ZNF804B: variants seen among roughly 807,000 people sequenced by gnomAD.
ZNF804B encodes zinc finger 804B.
Under a neutral mutation model 101.4 loss-of-function variants are expected in ZNF804B, and 80 were observed. The observed-to-expected ratio is 0.79, with a 90% CI of 0.66 to 0.95. The LOEUF (loss-of-function observed/expected upper bound fraction) is 0.95. ZNF804B is among the 40% of genes least tolerant of loss of function. ZNF804B has a pLI of 0.00. For synonymous variants in ZNF804B, 622 were observed against 558.8 expected (o/e 1.11, Z -1.59); for missense variants, 1,673 against 1,561.9 (o/e 1.07, Z -1.20).
chr7:88,854,410 T>TCTTCCTTTCTTTCTTTCTTCCTTCCTTC (rs1562812540), intron 1 of ZNF804B, among the ~76,000 whole-genome samples: 2 of 132,646 alleles, frequency 1.5e-5, no homozygotes, highest in Non-Finnish European at 3.2e-5. Context: ...TTTCTTTCTT[T>TCTTCCTTTCTTTCTTTCTTCCTTCCTTC]CTTCCTTTCT....
chr7:89,211,589 C>T (rs1490958589), intron 1 of ZNF804B, among the ~76,000 whole-genome samples: 5 of 151,988 alleles, frequency 3.3e-5, no homozygotes, highest in East Asian at 3.9e-4. Flanking sequence ...ATATGGCTGG[C>T]CAGTTCTCCC....
chr7:89,218,737 T>C (rs896978757), intron 2 of ZNF804B, among the ~76,000 whole-genome samples: 1 of 152,156 alleles, frequency 6.6e-6, no homozygotes, highest in African/African-American at 2.4e-5. Context: ...ATATGTTACA[T>C]GTATTATATA....
At chr7:88,877,028 T>TATATATATATATATATA (rs1562820434) in intron 1 of ZNF804B, among the ~76,000 whole-genome samples, 5 of 36,318 alleles carry the variant, frequency 1.4e-4, no homozygotes, top group African/African-American at 4.7e-4. Flanking sequence ...ATATATATAA[T>TATATATATATATATATA]ATATATATAT....
chr7:88,954,156 G>A (rs1229114932), intron 1 of ZNF804B, among the ~76,000 whole-genome samples: 1 of 151,598 alleles, frequency 6.6e-6, no homozygotes, highest in Non-Finnish European at 1.5e-5. Context: ...TGAAATTCTT[G>A]GATACAATTT....
chr7:88,889,853 C>A (rs970239414), intron 1 of ZNF804B, among the ~76,000 whole-genome samples: 4 of 152,030 alleles, frequency 2.6e-5, no homozygotes, highest in Admixed American at 6.5e-5. Flanking sequence ...TTTCCCAGGG[C>A]CAATGTTCAG....
intron 2 of ZNF804B, among the ~76,000 whole-genome samples, chr7:89,276,368 T>G (rs1789981665): frequency 6.6e-6 from 1 of 151,838 alleles, no homozygotes; most frequent in Admixed American, 6.6e-5. Flanking sequence ...AAAAGACCCC[T>G]TGGATATACA....
At chr7:89,264,329 T>A (rs1460750383) in intron 2 of ZNF804B, among the ~76,000 whole-genome samples, 1 of 152,220 alleles carries the variant, frequency 6.6e-6, no homozygotes, top group Non-Finnish European at 1.5e-5. Context: ...AGCCAATCGT[T>A]GAGGGAGAGC....
At chr7:88,870,452 A>G (rs1791805948) in intron 1 of ZNF804B, among the ~76,000 whole-genome samples, 1 of 151,614 alleles carries the variant, frequency 6.6e-6, no homozygotes, top group Admixed American at 6.6e-5. Context: ...TCTTAGATGA[A>G]ATTCCAAGAT....
chr7:88,988,757 C>A (rs1318725376), intron 1 of ZNF804B, among the ~76,000 whole-genome samples: 1 of 151,910 alleles, frequency 6.6e-6, no homozygotes, highest in African/African-American at 2.4e-5. Flanking sequence ...AAGAGTATCT[C>A]TATAGGGAGA....
At chr7:89,319,157 C>T (rs1254482244) in intron 2 of ZNF804B, among the ~76,000 whole-genome samples, 1 of 152,088 alleles carries the variant, frequency 6.6e-6, no homozygotes, top group African/African-American at 2.4e-5. Context: ...GGCATTAGGG[C>T]CATTATGGAC....
At chr7:88,942,676 A>G (rs949714052) in intron 1 of ZNF804B, among the ~76,000 whole-genome samples, 1 of 151,840 alleles carries the variant, frequency 6.6e-6, no homozygotes, top group Non-Finnish European at 1.5e-5. Context: ...ACACTTAAAA[A>G]AAACCAATGG....
At chr7:88,793,508 A>G (rs1049575198) in intron 1 of ZNF804B, among the ~76,000 whole-genome samples, 9 of 151,944 alleles carry the variant, frequency 5.9e-5, no homozygotes, top group East Asian at 1.9e-4. Flanking sequence ...CCGAATAGCT[A>G]TTGTTTTCTG....
intron 1 of ZNF804B, among the ~76,000 whole-genome samples, chr7:88,854,527 T>TTCCTTCCCTTCCC (rs1554340248): frequency 2.5e-5 from 1 of 40,076 alleles, no homozygotes; most frequent in African/African-American, 1.0e-4. Flanking sequence ...CTTTCCTTCC[T>TTCCTTCCCTTCCC]TTCCTTCCTT....
At chr7:88,779,471 A>G (rs1790192074) in intron 1 of ZNF804B, among the ~76,000 whole-genome samples, 1 of 152,140 alleles carries the variant, frequency 6.6e-6, no homozygotes, top group Non-Finnish European at 1.5e-5. Flanking sequence ...TGGTGACTAA[A>G]TATCTCCCTA....
At chr7:88,929,222 G>A (rs1313816095) in intron 1 of ZNF804B, among the ~76,000 whole-genome samples, 1 of 151,804 alleles carries the variant, frequency 6.6e-6, no homozygotes, top group African/African-American at 2.4e-5. Context: ...TATTAAAAAC[G>A]GGGAGAGAGA....
At chr7:88,913,706 G>GT (rs1354677734) in intron 1 of ZNF804B, among the ~76,000 whole-genome samples, 1 of 152,068 alleles carries the variant, frequency 6.6e-6, no homozygotes, top group Non-Finnish European at 1.5e-5. Flanking sequence ...AGAATCTGGT[G>GT]TATTTTTAAG....
At chr7:88,780,203 AACCCTTGT>A (rs1247030978) in intron 1 of ZNF804B, among the ~76,000 whole-genome samples, 4 of 152,130 alleles carry the variant, frequency 2.6e-5, no homozygotes, top group Non-Finnish European at 5.9e-5. Context: ...GAGAAAAGGG[AACCCTTGT>A]ACACTGCTGG....
At chr7:88,800,731 TGTGC>T (rs753323550) in intron 1 of ZNF804B, among the ~76,000 whole-genome samples, 170 of 134,184 alleles carry the variant, frequency 1.3e-3, no homozygotes, top group African/African-American at 4.6e-3. Context: ...TGTGTGTGTG[TGTGC>T]TTAAAGCATA....
chr7:88,845,683 A>G (rs539656514), intron 1 of ZNF804B, among the ~76,000 whole-genome samples: 60 of 151,848 alleles, frequency 4.0e-4, no homozygotes, highest in Non-Finnish European at 6.9e-4. Flanking sequence ...AGAAAATCTT[A>G]ATTATCCTTC....
Sources: gnomAD v4.1 joint callset for allele counts (sites outside exome capture counted in the v4.1 genomes callset) on GRCh38, gnomAD v4.1.1 for gene constraint, MANE v1.5 for transcripts, NCBI Gene and HGNC (gene_info 2026-07-23, HGNC 2026-07-21) for gene names.